Variants in CAMSAP2 observed in about 807,000 individuals in gnomAD.
CAMSAP2 encodes the protein calmodulin regulated spectrin associated protein family member 2, also known as calmodulin-regulated spectrin-associated protein 2.
In CAMSAP2, 26 loss-of-function variants were observed where a neutral mutation model predicts 146.1. That is an observed-to-expected ratio of 0.18 (90% confidence interval 0.13 to 0.25). The LOEUF (loss-of-function observed/expected upper bound fraction) is 0.25. CAMSAP2 is among the 10% of genes least tolerant of loss of function. The probability of loss-of-function intolerance (pLI) is 1.00; values close to 1 mark genes in which losing one functional copy is unlikely to be tolerated. For synonymous variants in CAMSAP2, 499 were observed against 596.6 expected, an observed-to-expected ratio of 0.84 and a Z score of 2.38; for missense variants, 1,381 against 1,759.3, an observed-to-expected ratio of 0.78 and a Z score of 3.85.
intron 6 of CAMSAP2, among the ~76,000 whole-genome samples, chr1:200,838,775 G>T (rs1468250766): frequency 6.6e-6 from 1 of 152,202 alleles, no homozygotes; most frequent in East Asian, 1.9e-4. Flanking sequence ...GCAAGCCAAA[G>T]AAAAAGCTAT....
intron 3 of CAMSAP2, among the ~76,000 whole-genome samples, chr1:200,810,986 T>C (rs1666314744): frequency 6.6e-6 from 1 of 152,132 alleles, no homozygotes; most frequent in Non-Finnish European, 1.5e-5. Flanking sequence ...TACAACAGAC[T>C]CTCTCAAGAG....
At chr1:200,753,203 C>T (rs761306472) in intron 1 of CAMSAP2, among the ~76,000 whole-genome samples, 1 of 149,500 alleles carries the variant, frequency 6.7e-6, no homozygotes, top group Non-Finnish European at 1.5e-5. Flanking sequence ...TAGGCCGAGG[C>T]AGGAGAATTG....
intron 8 of CAMSAP2, 123 bp from the exon 9 acceptor site, chr1:200,847,087 C>A: frequency 1.6e-6 from 1 of 631,902 alleles, no homozygotes; most frequent in South Asian, 2.3e-5. Context: ...AATATGTTTC[C>A]ATATTTTTAA....
chr1:200,738,919 G>A lies in CAMSAP2; in HGVS notation c.-909G>A, dbSNP rs2102978177. On this transcript the variant is annotated 5_prime_UTR_variant, in exon 1 of 17. It adds an upstream start codon to the 5' untranslated region. Coordinates refer to ENST00000358823, the MANE Select transcript of CAMSAP2 (RefSeq NM_203459.4). ...GTCTCCGCATCTGCTCCTTCATCCAGTGCCGCAGCCGGAAAACCGCAGCGG... is the reference window on the plus strand; with the variant it reads ...GTCTCCGCATCTGCTCCTTCATCCAATGCCGCAGCCGGAAAACCGCAGCGG... 6.6e-6 allele frequency among the ~76,000 whole-genome samples: 1 copy of A among 150,648 alleles called. No individual in the cohort carries two copies. The highest frequency in any genetic ancestry group is 2.0e-4 in the East Asian group (1 of 5,052).
chr1:200,840,434 TAATTTTTAA>T (rs2102233433), intron 6 of CAMSAP2, among the ~76,000 whole-genome samples: 1 of 152,268 alleles, frequency 6.6e-6, no homozygotes, highest in East Asian at 1.9e-4. Context: ...CATGCATAGC[TAATTTTTAA>T]AATTTTTATA....
chr1:200,835,181 A>T (rs1558200873), intron 6 of CAMSAP2, among the ~76,000 whole-genome samples: 1 of 152,206 alleles, frequency 6.6e-6, no homozygotes, highest in Non-Finnish European at 1.5e-5. Flanking sequence ...TAGGTTACCA[A>T]GTGTCACATG....
Position 200,817,165 on chromosome 1 carries a change from CGT to C in CAMSAP2, c.645+1528_645+1529del, listed in dbSNP as rs1553288765. The stretch of plus-strand genomic sequence containing the variant: ...ATATACACATACACACATACACACA[CGT>C]GTGTGTATATACACACACACACATG... On this transcript the variant is annotated intron_variant, in intron 4 of 16. Transcript: ENST00000358823. Among the ~76,000 whole-genome samples the C allele has an allele frequency of 4.3e-4, 29 of 68,084 alleles. No homozygotes were observed. In the East Asian group the frequency reaches 6.6e-3, roughly 15 times the overall value. 44.7% of individuals were successfully genotyped at this position (68,084 alleles called of 152,430 possible).
chr1:200,825,076 C>G (rs1167314273), intron 4 of CAMSAP2, among the ~76,000 whole-genome samples: 1 of 151,988 alleles, frequency 6.6e-6, no homozygotes, highest in Non-Finnish European at 1.5e-5. Flanking sequence ...AGTCAAAGTA[C>G]AGTGTTCTTA....
intron 2 of CAMSAP2, among the ~76,000 whole-genome samples, chr1:200,773,454 G>A (rs1357729031): frequency 1.6e-4 from 24 of 151,736 alleles, no homozygotes; most frequent in Admixed American, 1.5e-3. Flanking sequence ...ACGGCGTTTC[G>A]CCATGTTAGC....
rs1185093779 is a variant in CAMSAP2 at position 200,832,664 on chromosome 1, A to G, written c.788-42A>G. 16 of 1,499,486 alleles carry G rather than the reference A, an allele frequency of 1.1e-5. No individual in the cohort carries two copies. Among genetic ancestry groups the G allele is most frequent in the Non-Finnish European group, 1.4e-5 (16 of 1,115,148 alleles). The allele number at this position is 1,499,486 out of a possible 1,614,324, so 92.9% of individuals were successfully genotyped here. On this transcript the variant is annotated intron_variant, in intron 5 of 16. Coordinates refer to ENST00000358823, the MANE Select transcript of CAMSAP2 (RefSeq NM_203459.4). This position sits in a 1 kb window ranked among gnomAD's most constrained non-coding sequence, Gnocchi z 4.2. ...GATGGATATGAAATATTTATTATCA[A>G]ATTAATCCAAAGTCACCACCTTGCT...
At chr1:200,821,796 G>A (rs542854433) in intron 4 of CAMSAP2, among the ~76,000 whole-genome samples, 1 of 152,144 alleles carries the variant, frequency 6.6e-6, no homozygotes, top group East Asian at 1.9e-4. Context: ...AAGAGAACTT[G>A]GCATTTTAAA....
intron 7 of CAMSAP2, among the ~76,000 whole-genome samples, chr1:200,843,823 G>A (rs1196919798): frequency 2.0e-5 from 3 of 151,556 alleles, no homozygotes; most frequent in Non-Finnish European, 4.4e-5. Context: ...AAAACTAAAC[G>A]CTCAAACTTA....
intron 2 of CAMSAP2, among the ~76,000 whole-genome samples, chr1:200,785,535 T>TC (rs1665563338): frequency 6.6e-6 from 1 of 150,502 alleles, no homozygotes; most frequent in South Asian, 2.1e-4. Flanking sequence ...ATTACAGGTG[T>TC]CCCCCCACCA....
intron 4 of CAMSAP2, among the ~76,000 whole-genome samples, chr1:200,817,089 CGTATATATGTAT>C (rs1666584153): frequency 1.4e-5 from 2 of 143,470 alleles, no homozygotes; most frequent in Non-Finnish European, 3.1e-5. Context: ...TACACACACA[CGTATATATGTAT>C]ACACACACGT....
In CAMSAP2 at chr1:200,785,395, T is replaced by TG. The variant is rs1381177353; in HGVS notation, c.400-21981_400-21980insG. Among the ~76,000 whole-genome samples, 135 of 149,200 alleles carry TG rather than the reference T, an allele frequency of 9.0e-4. 2 individuals are homozygous for TG. The highest frequency in any genetic ancestry group is 8.7e-4 in the Admixed American group (13 of 15,008). Reference sequence around the variant, plus strand: ...GATGTTTTCTTTTTTTTTCTTTTGTTTTTTTTTTTTTTGAGGTGGAGTCTC... The same window carrying TG: ...GATGTTTTCTTTTTTTTTCTTTTGTTGTTTTTTTTTTTTGAGGTGGAGTCTC... On this transcript the variant is annotated intron_variant, in intron 2 of 16. Coordinates refer to ENST00000358823, the MANE Select transcript of CAMSAP2 (RefSeq NM_203459.4).
Position 200,844,928 on chromosome 1 carries a change from A to G in CAMSAP2, c.1109+59A>G. 5 of 828,306 alleles carry G rather than the reference A, an allele frequency of 6.0e-6. No homozygotes were observed. In the South Asian group the frequency reaches 9.7e-5, roughly 16 times the overall value. The allele number at this position is 828,306 out of a possible 1,614,324, so 51.3% of individuals were successfully genotyped here. On this transcript the variant is annotated intron_variant, in intron 8 of 16. Coordinates refer to ENST00000358823, the MANE Select transcript of CAMSAP2 (RefSeq NM_203459.4). The stretch of plus-strand genomic sequence containing the variant: ...CTATTCTATTTACTAATTAAATTAC[A>G]TAATATTATATTACATTAAATAAGG...
intron 6 of CAMSAP2, among the ~76,000 whole-genome samples, chr1:200,833,860 T>C (rs1667106576): frequency 6.6e-6 from 1 of 152,180 alleles, no homozygotes; most frequent in South Asian, 2.1e-4. Flanking sequence ...GAGCATTAAA[T>C]TGAAATTTAG....
chr1:200,814,620 AAAAAAAAAAAAAAAC>A (rs1049749799), intron 3 of CAMSAP2, among the ~76,000 whole-genome samples: 5 of 138,308 alleles, frequency 3.6e-5, no homozygotes, highest in Middle Eastern at 3.5e-3. Context: ...AAAAAAAAAA[AAAAAAAAAAAAAAAC>A]AAGAAGAAGA....
chr1:200,854,047 T>C (rs912031308), intron 13 of CAMSAP2, among the ~76,000 whole-genome samples: 2 of 152,180 alleles, frequency 1.3e-5, no homozygotes, highest in African/African-American at 2.4e-5. Flanking sequence ...GGTGTGATCA[T>C]GGCTCACTGC....
Sources: allele counts gnomAD v4.1 joint callset (sites outside exome capture counted in the v4.1 genomes callset), GRCh38; gene constraint gnomAD v4.1.1; non-coding constraint Gnocchi (gnomAD v3.1); transcripts MANE v1.5; gene names NCBI Gene and HGNC (gene_info 2026-07-23, HGNC 2026-07-21).